Variants in AGPAT3 observed in about 807,000 individuals in gnomAD.
The protein encoded by AGPAT3 is 1-acyl-sn-glycerol-3-phosphate acyltransferase gamma.
A neutral mutation model predicts 47.3 loss-of-function variants in AGPAT3; 5 were observed. That is an observed-to-expected ratio of 0.11 (90% CI 0.06 to 0.22). The LOEUF is 0.22. AGPAT3 is among the 10% of genes least tolerant of loss of function. The pLI is 1.00. For synonymous variants in AGPAT3, 212 were observed against 208.3 expected (o/e 1.02, Z -0.15); for missense variants, 315 against 493.0 (o/e 0.64, Z 3.42).
At chr21:43,884,102 C>T (rs754649414) in intron 1 of AGPAT3, among the ~76,000 whole-genome samples, 12 of 152,140 alleles carry the variant, frequency 7.9e-5, no homozygotes, top group Non-Finnish European at 1.5e-4. Flanking sequence ...AGGTGGTTAC[C>T]TCTGTCACCA....
chr21:43,874,848 A>G (rs534157964), intron 1 of AGPAT3, among the ~76,000 whole-genome samples: 1 of 152,202 alleles, frequency 6.6e-6, no homozygotes, highest in East Asian at 1.9e-4. Flanking sequence ...TGTTCAATAC[A>G]GTCATTCTGC....
intron 1 of AGPAT3, among the ~76,000 whole-genome samples, chr21:43,886,379 G>A (rs1343628761): frequency 1.3e-5 from 2 of 151,974 alleles, no homozygotes; most frequent in Admixed American, 1.3e-4. Flanking sequence ...TCAGTCTCCC[G>A]AATAGCTGGG....
chr21:43,939,654 T>C lies in AGPAT3; in HGVS notation c.-48-19980T>C, dbSNP rs919879200. Among the ~76,000 whole-genome samples, 2 of 152,196 alleles carry C rather than the reference T, an allele frequency of 1.3e-5. No individual in the cohort carries two copies. The highest frequency in any genetic ancestry group is 6.5e-5 in the Admixed American group (1 of 15,288). ...GTTGAGCCCACAGCCATGCCCCACATGCAGGACGTTTGCCTATCACTTGGA... is the reference window on the plus strand; with the variant it reads ...GTTGAGCCCACAGCCATGCCCCACACGCAGGACGTTTGCCTATCACTTGGA... On this transcript the variant is annotated intron_variant, in intron 2 of 9. Transcript: ENST00000291572. The surrounding 1 kb of genome is among the most constrained non-coding windows in gnomAD (Gnocchi z 4.4).
At chr21:43,909,751 G>A (rs2086589469) in intron 2 of AGPAT3, among the ~76,000 whole-genome samples, 3 of 152,240 alleles carry the variant, frequency 2.0e-5, no homozygotes, top group African/African-American at 7.2e-5. Context: ...CAGGCCTGCA[G>A]GCCGGCTGTG....
intron 1 of AGPAT3, among the ~76,000 whole-genome samples, chr21:43,897,066 A>C (rs951732555): frequency 1.3e-4 from 20 of 151,108 alleles, no homozygotes; most frequent in Admixed American, 1.2e-3. Flanking sequence ...AAACATGTGA[A>C]CAGAGGTCTC....
intron 8 of AGPAT3, among the ~76,000 whole-genome samples, chr21:43,978,800 C>T (rs2078470759): frequency 6.6e-6 from 1 of 152,212 alleles, no homozygotes; most frequent in African/African-American, 2.4e-5. Context: ...GATGTTAGAG[C>T]ATTGCTTTGA....
chr21:43,896,094 G>A (rs2086210548), intron 1 of AGPAT3, among the ~76,000 whole-genome samples: 1 of 152,134 alleles, frequency 6.6e-6, no homozygotes, highest in Admixed American at 6.6e-5. Context: ...AGTAGAGATG[G>A]GGTTTCACCA....
chr21:43,981,427 C>G lies in AGPAT3; in HGVS notation c.1042+240C>G. On this transcript the variant is annotated intron_variant, in intron 9 of 9. Coordinates refer to ENST00000291572, the MANE Select transcript of AGPAT3 (RefSeq NM_020132.5). This position sits in a 1 kb window ranked among gnomAD's most constrained non-coding sequence, Gnocchi z 5.3. ...CCACCTGGCGCCATCCCCACTGCAG[C>G]CCCACTGGCTGGCGCCCTTGAGGAT... is the stretch of plus-strand genomic sequence containing the variant. 1 of 577,166 alleles carries G rather than the reference C, an allele frequency of 1.7e-6. No individual in the cohort carries two copies. The highest frequency in any genetic ancestry group is 3.1e-6 in the Non-Finnish European group (1 of 324,032). 35.8% of individuals were successfully genotyped at this position (577,166 alleles called of 1,614,324 possible). A position where few individuals can be genotyped will look rare whatever the true frequency, so the allele number is the denominator to read the frequency against.
Position 43,904,859 on chromosome 21 carries a change from T to A in AGPAT3, c.-49+840T>A, listed in dbSNP as rs546490651. On this transcript the variant is annotated intron_variant, in intron 2 of 9. Transcript: ENST00000291572. ...CTCCTCCAAATGCTGTCGGCAGAGA[T>A]CAAATCCCATCCCTGATGTTCCAAG... Among the ~76,000 whole-genome samples, 20 of 152,292 alleles carry A rather than the reference T, an allele frequency of 1.3e-4. No homozygotes were observed. In the South Asian group the frequency reaches 2.1e-3, roughly 16 times the overall value.
At chr21:43,960,535 G>A (rs1054739943) in intron 3 of AGPAT3, 16 of 160,606 alleles carry the variant, frequency 1.0e-4, no homozygotes, top group African/African-American at 3.8e-4. Context: ...CAATTCCACA[G>A]AATAACATGC....
chr21:43,899,295 A>G (rs1468313997), intron 1 of AGPAT3, among the ~76,000 whole-genome samples: 27 of 152,184 alleles, frequency 1.8e-4, no homozygotes, highest in Admixed American at 1.8e-3. Flanking sequence ...TGGCGTCAGC[A>G]TCTTTTTGTG....
At chr21:43,894,709 T>C (rs1007871912) in intron 1 of AGPAT3, among the ~76,000 whole-genome samples, 5 of 152,228 alleles carry the variant, frequency 3.3e-5, no homozygotes, top group African/African-American at 1.2e-4. Flanking sequence ...TACCCACTAA[T>C]CAACCTCTCT....
intron 2 of AGPAT3, among the ~76,000 whole-genome samples, chr21:43,943,231 C>T (rs1444645161): frequency 3.9e-5 from 6 of 152,072 alleles, no homozygotes; most frequent in African/African-American, 7.2e-5. Context: ...CCGGCCACCA[C>T]GCCCGGCTAA....
chr21:43,877,017 C>A (rs1029324134), intron 1 of AGPAT3, among the ~76,000 whole-genome samples: 7 of 152,074 alleles, frequency 4.6e-5, no homozygotes, highest in African/African-American at 1.4e-4. Context: ...TGCCATCACG[C>A]CCAGCTAATT....
intron 5 of AGPAT3, among the ~76,000 whole-genome samples, 195 bp downstream of exon 5, chr21:43,969,474 T>C (rs550687843): frequency 6.6e-6 from 1 of 152,280 alleles, no homozygotes; most frequent in South Asian, 2.1e-4. Flanking sequence ...TGCTTGCTAC[T>C]CGCCGCAATC....
At position 43,891,638 on chromosome 21, in the gene AGPAT3, A is replaced by C. The variant is rs1235846963; in HGVS notation, c.-111-12319A>C. On this transcript the variant is annotated intron_variant, in intron 1 of 9. Coordinates refer to ENST00000291572, the MANE Select transcript of AGPAT3 (RefSeq NM_020132.5). ...ACAGAGCGAGACTCCATCTAAACAA[A>C]AAAAAAAAAAGGGAGCAACTCCTCA... 6.7e-5 allele frequency among the ~76,000 whole-genome samples: 10 copies of C among 149,722 alleles called. No individual in the cohort carries two copies. In the East Asian group the frequency reaches 1.6e-3, roughly 23 times the overall value.
At chr21:43,910,164 G>A (rs534513964) in intron 2 of AGPAT3, among the ~76,000 whole-genome samples, 78 of 152,380 alleles carry the variant, frequency 5.1e-4, no homozygotes, top group African/African-American at 1.8e-3. Context: ...GGACAGAGAG[G>A]GATGGAGACG....
At chr21:43,945,893 CCCCAGGCAG>C (rs2087863520) in intron 2 of AGPAT3, among the ~76,000 whole-genome samples, 1 of 152,150 alleles carries the variant, frequency 6.6e-6, no homozygotes, top group South Asian at 2.1e-4. Flanking sequence ...CAGAACTCAT[CCCCAGGCAG>C]CCCTGTGGGC....
At chr21:43,951,076 T>C (rs2088169408) in intron 2 of AGPAT3, among the ~76,000 whole-genome samples, 1 of 152,210 alleles carries the variant, frequency 6.6e-6, no homozygotes, top group Admixed American at 6.5e-5. Flanking sequence ...AGTGGAGCTT[T>C]CCCCAGCACC....
Sources: allele counts gnomAD v4.1 joint callset (sites outside exome capture counted in the v4.1 genomes callset), GRCh38; gene constraint gnomAD v4.1.1; non-coding constraint Gnocchi (gnomAD v3.1); transcripts MANE v1.5; gene names NCBI Gene and HGNC (gene_info 2026-07-23, HGNC 2026-07-21).